The following SORCS2 variants were observed in gnomAD, a reference collection of about 807,000 sequenced individuals.
The protein encoded by SORCS2 is VPS10 domain-containing receptor SorCS2.
SORCS2 carries 100 observed loss-of-function variants against 141.6 expected under a neutral mutation model. The ratio of observed to expected loss-of-function variants is 0.71; its 90% CI spans 0.60 to 0.83. SORCS2 has a LOEUF of 0.83. SORCS2 is among the 40% of genes least tolerant of loss of function. SORCS2 has a pLI of 0.00. For missense variants in SORCS2, 1,646 were observed against 1,560.2 expected (o/e 1.05, Z -0.93); for synonymous variants, 789 against 676.9 (o/e 1.17, Z -2.57).
chr4:7,449,494 A>G (rs1043676494), intron 2 of SORCS2, among the ~76,000 whole-genome samples: 1 of 146,748 alleles, frequency 6.8e-6, no homozygotes, highest in African/African-American at 2.5e-5. Flanking sequence ...TTACCACGTG[A>G]CGTTGTGCCT....
chr4:7,613,935 C>CCATT (rs370180109), intron 3 of SORCS2, among the ~76,000 whole-genome samples: 2 of 152,128 alleles, frequency 1.3e-5, no homozygotes, highest in African/African-American at 2.4e-5. Context: ...GTTCACTCAT[C>CCATT]CATTCATTCA....
chr4:7,433,332 G>T (rs999012278), intron 2 of SORCS2: 1 of 1,421,478 alleles, frequency 7.0e-7, no homozygotes. Flanking sequence ...GTTCCCCAGC[G>T]TGGAGGTGCA....
At chr4:7,734,552 G>A (rs1376720938) in intron 25 of SORCS2, among the ~76,000 whole-genome samples, 178 bp downstream of exon 25, 1 of 152,048 alleles carries the variant, frequency 6.6e-6, no homozygotes, top group Admixed American at 6.5e-5. Context: ...TGTACCACCT[G>A]TGGGGTCCCT....
intron 1 of SORCS2, among the ~76,000 whole-genome samples, chr4:7,288,437 A>G (rs970341518): frequency 6.6e-6 from 1 of 151,324 alleles, no homozygotes; most frequent in Non-Finnish European, 1.5e-5. Flanking sequence ...CAATAACAGT[A>G]TTTCTCACGG....
At chr4:7,564,945 TG>T (rs971966254) in intron 3 of SORCS2, among the ~76,000 whole-genome samples, 2 of 152,194 alleles carry the variant, frequency 1.3e-5, no homozygotes, top group Non-Finnish European at 1.5e-5. Flanking sequence ...AGCTGAACTT[TG>T]GAAGTGGCCA....
At chr4:7,631,906 G>A (rs1719922224) in intron 3 of SORCS2, among the ~76,000 whole-genome samples, 1 of 152,190 alleles carries the variant, frequency 6.6e-6, no homozygotes, top group South Asian at 2.1e-4. Context: ...ACTCTTCCAA[G>A]CCTGTTGCAT....
At chr4:7,215,018 C>G (rs62289677) in intron 1 of SORCS2, among the ~76,000 whole-genome samples, 48,041 of 151,800 alleles carry the variant, frequency 0.32, 8,252 homozygotes, top group Non-Finnish European at 0.39. Context: ...CCTGGGCTCC[C>G]ACTTTGGCGG....
At chr4:7,198,189 T>TG (rs1727276575) in intron 1 of SORCS2, among the ~76,000 whole-genome samples, 1 of 152,114 alleles carries the variant, frequency 6.6e-6, no homozygotes. Context: ...GGTGCGTGGC[T>TG]GGGCGCACAG....
chr4:7,411,166 G>A (rs1725281016), intron 2 of SORCS2, among the ~76,000 whole-genome samples: 1 of 151,844 alleles, frequency 6.6e-6, no homozygotes, highest in Non-Finnish European at 1.5e-5. Flanking sequence ...ATGTTGGCCA[G>A]GATGGTCTCC....
intron 2 of SORCS2, among the ~76,000 whole-genome samples, chr4:7,504,206 C>G (rs1732145745): frequency 6.6e-6 from 1 of 152,240 alleles, no homozygotes; most frequent in African/African-American, 2.4e-5. Flanking sequence ...ACTCCCAGCT[C>G]AAGCCCTTTT....
intron 1 of SORCS2, among the ~76,000 whole-genome samples, chr4:7,246,711 G>A (rs995366865): frequency 2.6e-5 from 4 of 152,210 alleles, no homozygotes; most frequent in Non-Finnish European, 5.9e-5. Flanking sequence ...TGGGGCTGGG[G>A]AATCTGCACT....
At chr4:7,355,912 G>T (rs111595320) in intron 1 of SORCS2, among the ~76,000 whole-genome samples, 1 of 152,230 alleles carries the variant, frequency 6.6e-6, no homozygotes, top group Non-Finnish European at 1.5e-5. Context: ...AGGAGGCAAA[G>T]CTTCCTTGGC....
At chr4:7,316,431 C>A (rs1422760011) in intron 1 of SORCS2, among the ~76,000 whole-genome samples, 2 of 152,164 alleles carry the variant, frequency 1.3e-5, no homozygotes. Flanking sequence ...GCCAGTTTAG[C>A]CTCAGCCCAA....
chr4:7,727,391 T>C (rs1372948183), intron 21 of SORCS2, among the ~76,000 whole-genome samples: 1 of 151,308 alleles, frequency 6.6e-6, no homozygotes, highest in African/African-American at 2.4e-5. Flanking sequence ...TCGTGGGAGA[T>C]ATATACAATA....
intron 1 of SORCS2, among the ~76,000 whole-genome samples, chr4:7,292,054 C>G (rs570083888): frequency 1.3e-5 from 2 of 152,178 alleles, no homozygotes; most frequent in African/African-American, 2.4e-5. Context: ...TGGAGGGGAC[C>G]GTCATGGGAA....
chr4:7,613,057 G>C (rs1718524798), intron 3 of SORCS2, among the ~76,000 whole-genome samples: 1 of 152,242 alleles, frequency 6.6e-6, no homozygotes, highest in Admixed American at 6.5e-5. Context: ...CACAGGCTCT[G>C]CCTACCAGGA....
rs545052001 is a variant in SORCS2 at position 7,295,501 on chromosome 4, G to T, written c.481-100787G>T. 1.1e-4 allele frequency among the ~76,000 whole-genome samples: 17 copies of T among 152,226 alleles called. No homozygotes were observed. In the East Asian group the frequency reaches 2.9e-3, roughly 26 times the overall value. On this transcript the variant is annotated intron_variant, in intron 1 of 26. Coordinates refer to ENST00000507866, the MANE Select transcript of SORCS2 (RefSeq NM_020777.3). ...GGCCGGCAGTGGAGCCTGGCCGTTG[G>T]CTCGAGCCGCCCAGCCCTGGGAGCA...
At chr4:7,282,137 C>T (rs866501284) in intron 1 of SORCS2, among the ~76,000 whole-genome samples, 1 of 152,222 alleles carries the variant, frequency 6.6e-6, no homozygotes, top group African/African-American at 2.4e-5. Flanking sequence ...GGGCCACCTT[C>T]ATGGCTTGGT....
Position 7,531,845 on chromosome 4 carries a change from C to T in SORCS2, c.648+216C>T, listed in dbSNP as rs568515005. Among the ~76,000 whole-genome samples the T allele has an allele frequency of 1.1e-4, 17 of 152,346 alleles. No individual in the cohort carries two copies. The East Asian group carries it at 2.1e-3, about 19-fold the overall frequency. ...GAGGCCAGGCTTTGGAGGAAGGCACCGCCTGCATACCTAGGGCACATTTGT... is the reference window on the plus strand; with the variant it reads ...GAGGCCAGGCTTTGGAGGAAGGCACTGCCTGCATACCTAGGGCACATTTGT... On this transcript the variant is annotated intron_variant, in intron 3 of 26. Coordinates refer to ENST00000507866, the MANE Select transcript of SORCS2 (RefSeq NM_020777.3).
Sources: allele counts gnomAD v4.1 joint callset (sites outside exome capture counted in the v4.1 genomes callset), GRCh38; gene constraint gnomAD v4.1.1; transcripts MANE v1.5; gene names NCBI Gene and HGNC (gene_info 2026-07-23, HGNC 2026-07-21).